The following SDK1 variants were observed in gnomAD, a reference collection of about 807,000 sequenced individuals.
SDK1 encodes the protein protein sidekick-1.
SDK1 carries 157 observed loss-of-function variants against 245.5 expected under a neutral mutation model. That is an observed-to-expected ratio of 0.64 (90% CI 0.56 to 0.73). The LOEUF is 0.73. SDK1 is among the 30% of genes least tolerant of loss of function. The pLI, the probability that SDK1 is intolerant of heterozygous loss-of-function variation, is 0.00. For missense variants in SDK1, 3,583 were observed against 3,002.3 expected (o/e 1.19, Z -4.52); for synonymous variants, 1,647 against 1,278.5 (o/e 1.29, Z -6.15).
chr7:3,387,206 G>A (rs372429861), intron 1 of SDK1, among the ~76,000 whole-genome samples: 2 of 152,080 alleles, frequency 1.3e-5, no homozygotes, highest in African/African-American at 4.8e-5. Context: ...GTGTACTAGG[G>A]ATTGCCTACT....
At chr7:3,631,353 C>T (rs747263970) in intron 2 of SDK1, among the ~76,000 whole-genome samples, 1 of 152,178 alleles carries the variant, frequency 6.6e-6, no homozygotes, top group South Asian at 2.1e-4. Context: ...CATCACCCAA[C>T]CTAATTGTGT....
chr7:4,042,740 G>A (rs919244372), intron 17 of SDK1, among the ~76,000 whole-genome samples: 120 of 152,296 alleles, frequency 7.9e-4, no homozygotes, highest in African/African-American at 2.6e-3. Flanking sequence ...AGCCCTTGTC[G>A]TTGGCTTAAG....
intron 1 of SDK1, among the ~76,000 whole-genome samples, chr7:3,490,635 A>T (rs1392592979): frequency 6.6e-6 from 1 of 152,234 alleles, no homozygotes; most frequent in Admixed American, 6.5e-5. Context: ...ACACATGAAG[A>T]CCTGCATGCT....
intron 4 of SDK1, among the ~76,000 whole-genome samples, chr7:3,811,663 C>T (rs999896565): frequency 6.6e-6 from 1 of 152,150 alleles, no homozygotes; most frequent in Non-Finnish European, 1.5e-5. Context: ...TCAGGGAGCC[C>T]CAGGCCAGCC....
intron 7 of SDK1, among the ~76,000 whole-genome samples, chr7:3,953,742 A>G (rs976329407): frequency 3.9e-5 from 6 of 152,254 alleles, no homozygotes; most frequent in African/African-American, 1.4e-4. Flanking sequence ...ATATCTGATT[A>G]GTTTTGTGTT....
chr7:3,520,256 G>A (rs557487532), intron 1 of SDK1, among the ~76,000 whole-genome samples: 3 of 152,244 alleles, frequency 2.0e-5, no homozygotes, highest in African/African-American at 4.8e-5. Flanking sequence ...GTTTCACCCT[G>A]CTTTCTTTTA....
At chr7:3,477,880 C>G (rs1781396206) in intron 1 of SDK1, among the ~76,000 whole-genome samples, 1 of 152,002 alleles carries the variant, frequency 6.6e-6, no homozygotes, top group Non-Finnish European at 1.5e-5. Flanking sequence ...TCTGTATTTC[C>G]TCTTACTGAT....
intron 1 of SDK1, among the ~76,000 whole-genome samples, chr7:3,609,275 A>C (rs928267386): frequency 1.3e-5 from 2 of 152,182 alleles, no homozygotes; most frequent in Non-Finnish European, 2.9e-5. Flanking sequence ...GAGACCAAAA[A>C]CTTTGAGAAC....
chr7:4,138,369 TATG>T (rs1485026183), intron 28 of SDK1, among the ~76,000 whole-genome samples: 1 of 152,132 alleles, frequency 6.6e-6, no homozygotes, highest in African/African-American at 2.4e-5. Flanking sequence ...ATGCTTTTGT[TATG>T]TTGTGCAGAA....
chr7:3,388,356 AT>A (rs1217243871), intron 1 of SDK1, among the ~76,000 whole-genome samples: 6 of 151,814 alleles, frequency 4.0e-5, no homozygotes, highest in South Asian at 2.1e-4. Context: ...TAAAAAAAAA[AT>A]CTCATCTGTC....
At chr7:4,132,300 G>C (rs1405695995) in intron 27 of SDK1, 25 bp from the exon 28 acceptor site, 2 of 1,577,896 alleles carry the variant, frequency 1.3e-6, no homozygotes, top group East Asian at 2.3e-5. Flanking sequence ...CTTGAGATCT[G>C]AATCCCTGTG....
intron 4 of SDK1, among the ~76,000 whole-genome samples, chr7:3,715,386 C>T (rs186512848): frequency 7.4e-4 from 112 of 152,208 alleles, no homozygotes; most frequent in Admixed American, 1.2e-3. Context: ...TAGGTTCTTC[C>T]CTCCTCAGGT....
chr7:3,560,628 C>T (rs964353158), intron 1 of SDK1, among the ~76,000 whole-genome samples: 2 of 152,140 alleles, frequency 1.3e-5, no homozygotes, highest in Non-Finnish European at 2.9e-5. Flanking sequence ...CTCCACACAG[C>T]GTTGGCACGA....
chr7:3,590,339 A>G (rs1780828983), intron 1 of SDK1, among the ~76,000 whole-genome samples: 1 of 132,466 alleles, frequency 7.5e-6, no homozygotes, highest in South Asian at 2.6e-4. Flanking sequence ...AGTGTGAATG[A>G]ATAATACTAT....
intron 42 of SDK1, among the ~76,000 whole-genome samples, chr7:4,238,337 C>T (rs1011324615): frequency 6.6e-4 from 101 of 152,074 alleles, no homozygotes; most frequent in African/African-American, 2.4e-3. Context: ...GCCTCAGCCT[C>T]CCAAAGTGTT....
chr7:3,844,459 C>T (rs758402169), intron 5 of SDK1, among the ~76,000 whole-genome samples: 3 of 152,168 alleles, frequency 2.0e-5, no homozygotes, highest in Non-Finnish European at 2.9e-5. Context: ...ATGTGCTCAG[C>T]TGGATGGGCC....
At chr7:3,843,025 G>T (rs576413618) in intron 5 of SDK1, among the ~76,000 whole-genome samples, 1 of 152,070 alleles carries the variant, frequency 6.6e-6, no homozygotes, top group East Asian at 1.9e-4. Flanking sequence ...CCGTCAGTCC[G>T]TCTGGACTTA....
intron 1 of SDK1, among the ~76,000 whole-genome samples, chr7:3,544,611 C>G (rs1234211264): frequency 6.6e-6 from 1 of 152,188 alleles, no homozygotes; most frequent in Non-Finnish European, 1.5e-5. Context: ...TCAACATGAA[C>G]GTCGACAGCT....
chr7:3,642,869 G>GA (rs1782695247), intron 4 of SDK1: 1 of 152,226 alleles, frequency 6.6e-6, no homozygotes, highest in Non-Finnish European at 1.5e-5. Context: ...AATGCTATAA[G>GA]CTTAGGCCAG....
Sources: gnomAD v4.1 joint callset for allele counts (sites outside exome capture counted in the v4.1 genomes callset) on GRCh38, gnomAD v4.1.1 for gene constraint, MANE v1.5 for transcripts, NCBI Gene and HGNC (gene_info 2026-07-23, HGNC 2026-07-21) for gene names.